The following TRPM3 variants were observed in gnomAD, a reference collection of about 807,000 sequenced individuals.
TRPM3 encodes transient receptor potential cation channel subfamily M member 3.
In TRPM3, 77 loss-of-function variants were observed where a neutral mutation model predicts 181.2. The observed-to-expected ratio is 0.42, with a 90% CI of 0.35 to 0.51. The LOEUF is 0.51. TRPM3 is among the 20% of genes least tolerant of loss of function. The pLI is 0.01. For missense variants in TRPM3, 1,759 were observed against 2,196.7 expected, an observed-to-expected ratio of 0.80 and a Z score of 3.98; for synonymous variants, 745 against 796.4, an observed-to-expected ratio of 0.94 and a Z score of 1.09.
Position 71,182,988 on chromosome 9 carries a change from G to A in TRPM3, c.183+263665C>T, listed in dbSNP as rs554374698. 2.0e-5 allele frequency among the ~76,000 whole-genome samples: 3 copies of A among 151,816 alleles called. No homozygotes were observed. In the East Asian group the frequency reaches 5.8e-4, roughly 30 times the overall value. ...ATTGAAAATTTTTAAAGCCCATCAGGGAATAAAATTATTTAACTCATTCCC... is the reference window on the plus strand; with the variant it reads ...ATTGAAAATTTTTAAAGCCCATCAGAGAATAAAATTATTTAACTCATTCCC... On this transcript the variant is annotated intron_variant, in intron 1 of 24. Coordinates refer to the TRPM3 transcript ENST00000357533.
rs796575323 is a variant in TRPM3, at chr9:71,359,288, GGTGT to G, written c.183+87361_183+87364del. ...AGGGGAAATCTCACAAACTGAGGTG[GGTGT>G]GTATGTGCGCATGCATGCACGTGTT... is the stretch of plus-strand genomic sequence containing the variant. On this transcript the variant is annotated intron_variant, in intron 1 of 24. Coordinates refer to the TRPM3 transcript ENST00000357533. Among the ~76,000 whole-genome samples, 25 of 152,296 alleles carry G rather than the reference GGTGT, an allele frequency of 1.6e-4. No individual in the cohort carries two copies. The East Asian group carries it at 1.7e-3, about 11-fold the overall frequency.
At chr9:70,749,321 GA>G (rs1447304280) in intron 8 of TRPM3, among the ~76,000 whole-genome samples, 3 of 152,096 alleles carry the variant, frequency 2.0e-5, no homozygotes, top group African/African-American at 7.2e-5. Flanking sequence ...AGGGAAGTAG[GA>G]AGTCCATGTT....
At chr9:70,651,148 C>T (rs1392834331) in intron 9 of TRPM3, among the ~76,000 whole-genome samples, 1 of 151,974 alleles carries the variant, frequency 6.6e-6, no homozygotes, top group Non-Finnish European at 1.5e-5. Flanking sequence ...AAATTTTAGC[C>T]ATAGCACTTT....
intron 1 of TRPM3, among the ~76,000 whole-genome samples, chr9:71,109,901 TAAAGG>T (rs2070671030): frequency 6.6e-6 from 1 of 152,172 alleles, no homozygotes. Context: ...TCATTTGATG[TAAAGG>T]AAAGTACCCT....
chr9:71,032,108 T>TA (rs1421608037), intron 1 of TRPM3, among the ~76,000 whole-genome samples: 6 of 89,320 alleles, frequency 6.7e-5, no homozygotes, highest in Non-Finnish European at 1.3e-4. Context: ...ATATTATATA[T>TA]ATTATATTAT....
intron 9 of TRPM3, among the ~76,000 whole-genome samples, chr9:70,676,995 C>T (rs899312606): frequency 1.4e-5 from 2 of 138,302 alleles, no homozygotes; most frequent in South Asian, 2.5e-4. Flanking sequence ...CTGGCCATAA[C>T]GAAATTAATA....
chr9:70,913,260 C>T (rs997657395), intron 1 of TRPM3, among the ~76,000 whole-genome samples: 5 of 152,144 alleles, frequency 3.3e-5, no homozygotes, highest in African/African-American at 9.7e-5. Context: ...CAATTCTACC[C>T]GTACGCAGAG....
intron 6 of TRPM3, among the ~76,000 whole-genome samples, chr9:70,820,445 T>G (rs987451296): frequency 6.6e-6 from 1 of 152,182 alleles, no homozygotes; most frequent in African/African-American, 2.4e-5. Context: ...TGGAGTGCAA[T>G]GGTGAATTCC....
intron 6 of TRPM3, among the ~76,000 whole-genome samples, chr9:70,787,552 C>T (rs2083969002): frequency 6.6e-6 from 1 of 151,316 alleles, no homozygotes; most frequent in Admixed American, 6.6e-5. Context: ...GTCACACACA[C>T]ACTTACTTAC....
intron 18 of TRPM3, among the ~76,000 whole-genome samples, chr9:70,611,339 C>G (rs913086161): frequency 6.6e-6 from 1 of 152,154 alleles, no homozygotes; most frequent in Admixed American, 6.5e-5. Context: ...AGGGAGGGAC[C>G]TGGTGAGAGG....
intron 1 of TRPM3, among the ~76,000 whole-genome samples, chr9:71,134,339 A>G (rs2074620493): frequency 6.6e-6 from 1 of 151,504 alleles, no homozygotes; most frequent in Non-Finnish European, 1.5e-5. Flanking sequence ...CCAAGGGGGG[A>G]GGATCATGAA....
At chr9:71,098,805 G>T (rs2067777655) in intron 1 of TRPM3, among the ~76,000 whole-genome samples, 1 of 152,012 alleles carries the variant, frequency 6.6e-6, no homozygotes, top group Non-Finnish European at 1.5e-5. Context: ...AGGTTTCTTG[G>T]AGCCCCCTGG....
chr9:71,344,623 A>G (rs1439962419), intron 1 of TRPM3, among the ~76,000 whole-genome samples: 2 of 152,208 alleles, frequency 1.3e-5, no homozygotes, highest in African/African-American at 4.8e-5. Context: ...AAAAGCTAAG[A>G]CTATAAAACT....
At chr9:71,037,483 A>G (rs570788756) in intron 1 of TRPM3, among the ~76,000 whole-genome samples, 2 of 152,388 alleles carry the variant, frequency 1.3e-5, no homozygotes, top group African/African-American at 4.8e-5. Context: ...ATGTGTGCAT[A>G]TAATATATGG....
At chr9:71,374,108 G>GT (rs1185462175) in intron 1 of TRPM3, among the ~76,000 whole-genome samples, 2 of 152,182 alleles carry the variant, frequency 1.3e-5, no homozygotes, top group Non-Finnish European at 2.9e-5. Context: ...AGGCACAGTG[G>GT]TTCACACCTG....
At chr9:70,790,250 GA>G (rs1262834767) in intron 6 of TRPM3, among the ~76,000 whole-genome samples, 1 of 152,172 alleles carries the variant, frequency 6.6e-6, no homozygotes, top group Non-Finnish European at 1.5e-5. Flanking sequence ...ATAGAGCATA[GA>G]AGATCATTCT....
In TRPM3 at chr9:70,991,775, C is replaced by G. The variant is rs567776830; in HGVS notation, c.178-127264G>C. 3.3e-5 allele frequency among the ~76,000 whole-genome samples: 5 copies of G among 152,288 alleles called. No homozygotes were observed. The South Asian group carries it at 1.0e-3, about 32-fold the overall frequency. ...TGGCTCATAGAAGGCCTTCCGTGAT[C>G]TCCAAGCCTCCCTCAGCTGCCTCAT... is the stretch of plus-strand genomic sequence containing the variant. On this transcript the variant is annotated intron_variant, in intron 1 of 25. Coordinates refer to ENST00000677713, the MANE Select transcript of TRPM3 (RefSeq NM_001366145.2).
At chr9:71,158,701 GT>G (rs1646189357) in intron 1 of TRPM3, among the ~76,000 whole-genome samples, 1 of 152,078 alleles carries the variant, frequency 6.6e-6, no homozygotes, top group African/African-American at 2.4e-5. Context: ...AAGCCATGGG[GT>G]GCCCAGATAG....
intron 1 of TRPM3, among the ~76,000 whole-genome samples, chr9:71,195,692 G>C (rs909203595): frequency 2.0e-5 from 3 of 151,998 alleles, no homozygotes; most frequent in African/African-American, 7.2e-5. Context: ...CAATAGCAAA[G>C]ATATAGTATC....
Sources: allele counts gnomAD v4.1 joint callset (sites outside exome capture counted in the v4.1 genomes callset), GRCh38; gene constraint gnomAD v4.1.1; transcripts MANE v1.5; gene names NCBI Gene and HGNC (gene_info 2026-07-23, HGNC 2026-07-21).